PCDH9: variants seen among roughly 807,000 people sequenced by gnomAD.
PCDH9 encodes the protein protocadherin 9, also known as protocadherin-9.
A neutral mutation model predicts 70.6 loss-of-function variants in PCDH9; 24 were observed. That is an observed-to-expected ratio of 0.34 (90% CI 0.25 to 0.48). PCDH9 has a LOEUF of 0.48. Ranked by LOEUF, PCDH9 falls within the 20% of genes least tolerant of loss-of-function variation. The pLI is 0.99. For missense variants in PCDH9, 1,281 were observed against 1,503.6 expected, an observed-to-expected ratio of 0.85 and a Z score of 2.45; for synonymous variants, 562 against 558.5, an observed-to-expected ratio of 1.01 and a Z score of -0.09.
chr13:66,506,242 TC>T (rs1457029515), intron 4 of PCDH9, among the ~76,000 whole-genome samples: 5 of 152,182 alleles, frequency 3.3e-5, no homozygotes, highest in Non-Finnish European at 5.9e-5. Flanking sequence ...TTTCACATTG[TC>T]TTTTATGGGC....
intron 3 of PCDH9, among the ~76,000 whole-genome samples, chr13:66,668,385 C>T (rs969268272): frequency 1.3e-5 from 2 of 152,042 alleles, no homozygotes; most frequent in Non-Finnish European, 1.5e-5. Context: ...TTTAGGAGCC[C>T]AAATGCCACA....
intron 3 of PCDH9, among the ~76,000 whole-genome samples, chr13:66,738,951 G>T (rs1425263716): frequency 5.2e-5 from 7 of 134,758 alleles, no homozygotes; most frequent in African/African-American, 1.9e-4. Flanking sequence ...CCCCAATCTA[G>T]CAAGGCAGGC....
At chr13:67,121,059 CAAAT>C (rs1428445893) in intron 2 of PCDH9, among the ~76,000 whole-genome samples, 3 of 152,044 alleles carry the variant, frequency 2.0e-5, no homozygotes, top group African/African-American at 7.2e-5. Flanking sequence ...TCTGAAGACA[CAAAT>C]TAATGACAAA....
intron 2 of PCDH9, among the ~76,000 whole-genome samples, chr13:67,141,753 TAA>T (rs34484513): frequency 2.3e-5 from 3 of 129,438 alleles, no homozygotes; most frequent in Non-Finnish European, 3.4e-5. Flanking sequence ...CCTTCTCTCT[TAA>T]AAAAAAAAAA....
chr13:66,331,921 A>G (rs573170931), intron 4 of PCDH9, among the ~76,000 whole-genome samples: 1 of 152,312 alleles, frequency 6.6e-6, no homozygotes, highest in Non-Finnish European at 1.5e-5. Context: ...AGGGTACTGA[A>G]GGTAGGATTC....
At chr13:66,559,888 G>A (rs557515965) in intron 4 of PCDH9, among the ~76,000 whole-genome samples, 4 of 144,822 alleles carry the variant, frequency 2.8e-5, no homozygotes, top group South Asian at 4.5e-4. Flanking sequence ...ATGTACTAAC[G>A]TGATACAAGG....
chr13:66,462,879 T>C (rs1958450198), intron 4 of PCDH9, among the ~76,000 whole-genome samples: 1 of 151,744 alleles, frequency 6.6e-6, no homozygotes, highest in Non-Finnish European at 1.5e-5. Flanking sequence ...TTAAATAAAT[T>C]CACTTGCTTT....
At chr13:67,075,017 T>C (rs1021640029) in intron 2 of PCDH9, among the ~76,000 whole-genome samples, 1 of 151,948 alleles carries the variant, frequency 6.6e-6, no homozygotes, top group Non-Finnish European at 1.5e-5. Context: ...CAATGGAATA[T>C]GGATCAATTG....
At chr13:66,636,692 C>T (rs1010929208) in intron 3 of PCDH9, among the ~76,000 whole-genome samples, 1 of 152,008 alleles carries the variant, frequency 6.6e-6, no homozygotes, top group African/African-American at 2.4e-5. Flanking sequence ...CCTTGCCATG[C>T]TTGAGCAATA....
At chr13:66,372,476 G>C (rs769704240) in intron 4 of PCDH9, among the ~76,000 whole-genome samples, 1 of 151,676 alleles carries the variant, frequency 6.6e-6, no homozygotes, top group African/African-American at 2.4e-5. Context: ...ATATATTTCT[G>C]AAAGTAAGAC....
At chr13:67,025,225 T>C (rs17082058) in intron 2 of PCDH9, among the ~76,000 whole-genome samples, 5,371 of 152,174 alleles carry the variant, frequency 0.035, 122 homozygotes, top group Non-Finnish European at 0.054. Context: ...GGTGAAATGG[T>C]TTGGTATATT....
chr13:66,358,293 A>G (rs1260915367), intron 4 of PCDH9, among the ~76,000 whole-genome samples: 1 of 151,958 alleles, frequency 6.6e-6, no homozygotes, highest in African/African-American at 2.4e-5. Flanking sequence ...CTTTGGTAGG[A>G]TTATAATTAT....
intron 2 of PCDH9, among the ~76,000 whole-genome samples, chr13:67,003,872 TA>T (rs1247669784): frequency 6.6e-6 from 1 of 152,166 alleles, no homozygotes; most frequent in African/African-American, 2.4e-5. Flanking sequence ...ATAGTCTCCT[TA>T]AAAGGTATAT....
At chr13:66,976,608 C>T (rs966102172) in intron 2 of PCDH9, among the ~76,000 whole-genome samples, 6 of 152,126 alleles carry the variant, frequency 3.9e-5, no homozygotes, top group Admixed American at 1.3e-4. Context: ...CCCAACAAGG[C>T]TCAAGACCAA....
chr13:66,579,510 C>T (rs1003091262), intron 4 of PCDH9, among the ~76,000 whole-genome samples: 6 of 152,038 alleles, frequency 3.9e-5, no homozygotes, highest in Admixed American at 2.0e-4. Flanking sequence ...AATGGATTTT[C>T]GATGCTGACA....
At chr13:66,439,228 A>T (rs151144373) in intron 4 of PCDH9, among the ~76,000 whole-genome samples, 1 of 152,186 alleles carries the variant, frequency 6.6e-6, no homozygotes, top group Non-Finnish European at 1.5e-5. Context: ...AATTCGGCTG[A>T]GTTTTATCTG....
intron 2 of PCDH9, among the ~76,000 whole-genome samples, chr13:67,185,949 C>T (rs1478128872): frequency 2.6e-5 from 4 of 152,156 alleles, no homozygotes; most frequent in Non-Finnish European, 1.5e-5. Flanking sequence ...TCAGGCTGGT[C>T]TCAAACTCCC....
At chr13:66,901,303 C>T (rs887359820) in intron 3 of PCDH9, among the ~76,000 whole-genome samples, 9 of 151,718 alleles carry the variant, frequency 5.9e-5, no homozygotes, top group African/African-American at 2.2e-4. Flanking sequence ...ATATAAACTT[C>T]TTGAAACAGT....
At chr13:67,148,201 C>CT (rs5804311) in intron 2 of PCDH9, among the ~76,000 whole-genome samples, 77 of 144,694 alleles carry the variant, frequency 5.3e-4, no homozygotes, top group Admixed American at 1.4e-3. Flanking sequence ...ACCTCCATGT[C>CT]TTTTTTTTTT....
Sources: gnomAD v4.1 joint callset for allele counts (sites outside exome capture counted in the v4.1 genomes callset) on GRCh38, gnomAD v4.1.1 for gene constraint, MANE v1.5 for transcripts, NCBI Gene and HGNC (gene_info 2026-07-23, HGNC 2026-07-21) for gene names.